Variants in CTNND2 observed in about 807,000 individuals in gnomAD.
CTNND2 encodes the protein catenin delta-2.
In CTNND2, 22 loss-of-function variants were observed where a neutral mutation model predicts 144.4. That is an observed-to-expected ratio of 0.15 (90% CI 0.11 to 0.22). The LOEUF (loss-of-function observed/expected upper bound fraction) is 0.22, where lower values mean the gene tolerates loss of function less well. Among genes scored for constraint, CTNND2 ranks in the 10% least tolerant of loss-of-function variants. CTNND2 has a pLI of 1.00. For synonymous variants in CTNND2, 751 were observed against 695.6 expected, an observed-to-expected ratio of 1.08 and a Z score of -1.25; for missense variants, 1,353 against 1,618.8, an observed-to-expected ratio of 0.84 and a Z score of 2.82.
chr5:11,697,162 T>C (rs1039125349), intron 2 of CTNND2, among the ~76,000 whole-genome samples: 3 of 152,342 alleles, frequency 2.0e-5, no homozygotes, highest in Middle Eastern at 3.4e-3. Context: ...TCTGCAGGCA[T>C]GGTAGATTTT....
At chr5:11,657,668 T>A (rs16901828) in intron 2 of CTNND2, among the ~76,000 whole-genome samples, 2,814 of 152,234 alleles carry the variant, frequency 0.018, 90 homozygotes, top group African/African-American at 0.064. Flanking sequence ...ATTTTTCAGA[T>A]TAGTATGCTA....
intron 3 of CTNND2, among the ~76,000 whole-genome samples, chr5:11,509,846 C>G (rs1771464233): frequency 6.6e-6 from 1 of 152,148 alleles, no homozygotes; most frequent in Non-Finnish European, 1.5e-5. Flanking sequence ...GAGAGTTTCC[C>G]CTCCCCACAA....
intron 16 of CTNND2, among the ~76,000 whole-genome samples, chr5:11,075,562 G>A (rs1748856655): frequency 6.6e-6 from 1 of 152,234 alleles, no homozygotes; most frequent in African/African-American, 2.4e-5. Context: ...TCAGCCTCAG[G>A]AGGGTGCAGG....
At chr5:11,895,554 G>A (rs1331284187) in intron 1 of CTNND2, among the ~76,000 whole-genome samples, 2 of 152,124 alleles carry the variant, frequency 1.3e-5, no homozygotes, top group South Asian at 2.1e-4. Context: ...TTGCTCCACT[G>A]CTGTATTTAC....
intron 1 of CTNND2, among the ~76,000 whole-genome samples, chr5:11,854,906 AGAAAAGCAAGATCATCT>A (rs1449460824): frequency 6.6e-6 from 1 of 152,232 alleles, no homozygotes; most frequent in East Asian, 1.9e-4. Flanking sequence ...CTATAAATTC[AGAAAAGCAAGATCATCT>A]GATAAGAGGC....
intron 2 of CTNND2, among the ~76,000 whole-genome samples, chr5:11,628,587 C>T (rs996138903): frequency 6.6e-5 from 10 of 152,158 alleles, no homozygotes; most frequent in Non-Finnish European, 1.3e-4. Context: ...GCTATAAGCA[C>T]CATGATCTAC....
At chr5:11,358,892 A>T (rs560245178) in intron 8 of CTNND2, among the ~76,000 whole-genome samples, 2 of 152,348 alleles carry the variant, frequency 1.3e-5, no homozygotes, top group African/African-American at 4.8e-5. Flanking sequence ...TTACAAGCTG[A>T]CACATACATC....
chr5:11,257,170 C>T (rs1409999144), intron 9 of CTNND2, among the ~76,000 whole-genome samples: 1 of 152,168 alleles, frequency 6.6e-6, no homozygotes, highest in African/African-American at 2.4e-5. Context: ...AGTAGGTTTT[C>T]TCCACTGAAT....
At chr5:11,229,573 A>G (rs1447124580) in intron 10 of CTNND2, among the ~76,000 whole-genome samples, 1 of 152,010 alleles carries the variant, frequency 6.6e-6, no homozygotes, top group African/African-American at 2.4e-5. Context: ...AATAATCCCT[A>G]TATGCCACTT....
chr5:11,054,565 C>T (rs1338678514), intron 16 of CTNND2, among the ~76,000 whole-genome samples: 2 of 152,070 alleles, frequency 1.3e-5, no homozygotes, highest in East Asian at 1.9e-4. Flanking sequence ...CAGCTGCTCC[C>T]GCCTTCCCGC....
At chr5:11,290,686 C>T (rs1372248711) in intron 9 of CTNND2, among the ~76,000 whole-genome samples, 1 of 152,054 alleles carries the variant, frequency 6.6e-6, no homozygotes, top group African/African-American at 2.4e-5. Flanking sequence ...TCTGTTTTAC[C>T]CATGATCGGT....
intron 11 of CTNND2, among the ~76,000 whole-genome samples, chr5:11,181,772 G>GTA (rs1735007010): frequency 2.7e-5 from 4 of 148,868 alleles, no homozygotes; most frequent in Admixed American, 2.0e-4. Flanking sequence ...GTGTGTGTGT[G>GTA]TGTCTGTGTG....
intron 9 of CTNND2, among the ~76,000 whole-genome samples, chr5:11,248,923 C>G (rs556271981): frequency 2.0e-5 from 3 of 152,284 alleles, no homozygotes; most frequent in African/African-American, 7.2e-5. Context: ...TCGAAGAATG[C>G]CAACTTAATT....
At chr5:11,735,550 C>T (rs1490433469) in intron 1 of CTNND2, among the ~76,000 whole-genome samples, 3 of 152,162 alleles carry the variant, frequency 2.0e-5, no homozygotes, top group Admixed American at 6.5e-5. Context: ...CTATGTCCCC[C>T]GACAAATCTC....
intron 1 of CTNND2, among the ~76,000 whole-genome samples, chr5:11,859,268 T>C (rs944725631): frequency 6.6e-6 from 1 of 152,254 alleles, no homozygotes; most frequent in African/African-American, 2.4e-5. Flanking sequence ...TTATGTGTTA[T>C]GCTTAACACA....
chr5:11,342,177 A>G (rs1412607804), intron 9 of CTNND2, among the ~76,000 whole-genome samples: 3 of 152,248 alleles, frequency 2.0e-5, no homozygotes, highest in African/African-American at 4.8e-5. Flanking sequence ...AGGTTTACCT[A>G]GTAGTAAAAT....
intron 9 of CTNND2, among the ~76,000 whole-genome samples, chr5:11,333,569 G>C (rs146003039): frequency 6.6e-6 from 1 of 152,306 alleles, no homozygotes; most frequent in African/African-American, 2.4e-5. Flanking sequence ...TGATCAGTCA[G>C]ATCAGACATA....
intron 3 of CTNND2, among the ~76,000 whole-genome samples, chr5:11,537,909 T>G (rs1369885368): frequency 6.6e-6 from 1 of 152,220 alleles, no homozygotes; most frequent in African/African-American, 2.4e-5. Flanking sequence ...GACTCATAAG[T>G]GCTGCTTTTG....
chr5:11,674,716 T>TTTGGTTGGTTGGTTGGTTGGTTGG (rs56819149), intron 2 of CTNND2, among the ~76,000 whole-genome samples: 41 of 151,002 alleles, frequency 2.7e-4, no homozygotes, highest in Admixed American at 9.2e-4. Flanking sequence ...TGTTTGTTTG[T>TTTGGTTGGTTGGTTGGTTGGTTGG]TTGGTTGGTT....
Sources: allele counts gnomAD v4.1 joint callset (sites outside exome capture counted in the v4.1 genomes callset), GRCh38; gene constraint gnomAD v4.1.1; transcripts MANE v1.5; gene names NCBI Gene and HGNC (gene_info 2026-07-23, HGNC 2026-07-21).